Variants in MYOM2 observed in about 807,000 individuals in gnomAD.
MYOM2 encodes the protein myomesin 2, also known as myomesin-2.
Under a neutral mutation model 187.6 loss-of-function variants are expected in MYOM2, and 254 were observed. The observed-to-expected ratio is 1.35, with a 90% CI of 1.22 to 1.50. MYOM2 has a LOEUF of 1.50. Among genes scored for constraint, MYOM2 ranks in the 40% most tolerant of loss-of-function variants. The pLI is 0.00. For synonymous variants in MYOM2, 981 were observed against 753.8 expected (o/e 1.30, Z -4.94); for missense variants, 2,796 against 1,924.0 (o/e 1.45, Z -8.48).
intron 13 of MYOM2, chr8:2,085,052 A>G: frequency 1.7e-6 from 1 of 585,746 alleles, no homozygotes; most frequent in Non-Finnish European, 3.0e-6. Flanking sequence ...ACAGGCTTAT[A>G]TCTGTATTGG....
chr8:2,093,072 G>A (rs973902413), intron 16 of MYOM2, among the ~76,000 whole-genome samples: 1 of 152,118 alleles, frequency 6.6e-6, no homozygotes, highest in Non-Finnish European at 1.5e-5. Flanking sequence ...GATGTCTGAG[G>A]TTATTAGGCT....
rs2272720 is a variant in MYOM2 at position 2,073,341 on chromosome 8, G to T, written c.961G>T (p.Val321Leu). 639,321 of 1,602,956 alleles carry T rather than the reference G, an allele frequency of 0.4. 132,493 individuals are homozygous for T. Among genetic ancestry groups the T allele is most frequent in the Middle Eastern group, 0.46 (2,737 of 5,994 alleles). ...CTTCCGTGTTAACGCTCTTTCAGAC[G>T]TGCTGTTGAAAGAGTCCAAGTGGAC... is the stretch of plus-strand genomic sequence containing the variant. The part of the protein sequence containing the change: ...QPRAEWYRDD[V>L]LLKESKWTKM... Residue 321 changes from valine (V) to leucine (L), a missense_variant and splice_region_variant, in exon 10 of 37, where the codon GTG (valine) becomes TTG (leucine). Transcript: ENST00000262113.
chr8:2,072,102 C>T (rs137944508), intron 8 of MYOM2, among the ~76,000 whole-genome samples: 15 of 152,236 alleles, frequency 9.9e-5, no homozygotes, highest in Admixed American at 5.2e-4. Context: ...TTTGCGGTGA[C>T]GGTCTGAGTG....
At chr8:2,122,006 A>G (rs1291905249) in intron 28 of MYOM2, among the ~76,000 whole-genome samples, 1 of 152,252 alleles carries the variant, frequency 6.6e-6, no homozygotes, top group Non-Finnish European at 1.5e-5. Flanking sequence ...GGACAAATAC[A>G]TTAATTACAG....
chr8:2,104,513 G>C (rs1030912921), intron 21 of MYOM2, among the ~76,000 whole-genome samples: 1 of 152,054 alleles, frequency 6.6e-6, no homozygotes, highest in Non-Finnish European at 1.5e-5. Flanking sequence ...GCGGAGGCAG[G>C]AGAATGGGGT....
intron 11 of MYOM2, 50 bp from the exon 12 acceptor site, chr8:2,078,684 A>G: frequency 6.5e-7 from 1 of 1,547,898 alleles, no homozygotes; most frequent in Non-Finnish European, 8.9e-7. Context: ...TATATTTAGT[A>G]GGTTGCCACA....
chr8:2,092,565 G>C, intron 16 of MYOM2, 45 bp downstream of exon 16: 1 of 1,598,538 alleles, frequency 6.3e-7, no homozygotes, highest in South Asian at 1.1e-5. Context: ...TGCAGGAGTA[G>C]CAAGACCGTT....
Position 2,115,988 on chromosome 8 carries a change from C to T in MYOM2, c.3209C>T (p.Thr1070Ile), listed in dbSNP as rs980135880. The stretch of plus-strand genomic sequence containing the variant: ...CACAGAATTAAATGTGACAAAGCTA[C>T]TGGCATTATTGAGATGGTGATGGAT... ...EIHRIKCDKA[T>I]GIIEMVMDRF... Residue 1070 changes from threonine (T) to isoleucine (I), a missense_variant, in exon 26 of 37, where the codon ACT becomes ATT. By Grantham distance (89) the Thr-to-Ile change is moderately conservative. Transcript: ENST00000262113. 20 of 1,613,842 alleles carry T rather than the reference C, an allele frequency of 1.2e-5. No individual in the cohort carries two copies. The highest frequency in any genetic ancestry group is 4.5e-5 in the East Asian group (2 of 44,872).
intron 17 of MYOM2, among the ~76,000 whole-genome samples, chr8:2,095,865 A>G (rs937417358): frequency 6.6e-6 from 1 of 152,204 alleles, no homozygotes; most frequent in Non-Finnish European, 1.5e-5. Flanking sequence ...CAGATGCAGA[A>G]TAGTTATTCC....
At chr8:2,088,594 A>G (rs953340280) in intron 14 of MYOM2, among the ~76,000 whole-genome samples, 1 of 152,208 alleles carries the variant, frequency 6.6e-6, no homozygotes, top group African/African-American at 2.4e-5. Flanking sequence ...GCTGCACAGG[A>G]CATGATTTCT....
At chr8:2,097,914 C>G (rs770961167) in intron 18 of MYOM2, 1 of 152,246 alleles carries the variant, frequency 6.6e-6, no homozygotes, top group Non-Finnish European at 1.5e-5. Flanking sequence ...GAACTCGCCC[C>G]TCCTGTTGCT....
intron 2 of MYOM2, 91 bp from the exon 3 acceptor site, chr8:2,052,067 G>T: frequency 6.6e-7 from 1 of 1,526,082 alleles, no homozygotes. Flanking sequence ...CCAGTGGTTT[G>T]GGGTGTGTAG....
In MYOM2 at chr8:2,115,948, T is replaced by G; in HGVS notation, c.3181-12T>G. 1 of 1,604,868 alleles carries G rather than the reference T, an allele frequency of 6.2e-7. No individual in the cohort carries two copies. Among genetic ancestry groups the G allele is most frequent in the Non-Finnish European group, 8.5e-7 (1 of 1,177,780 alleles). ...CTTGTATAATTCTCCATTTCCCTTG[T>G]TTTGCTTGCAGATACACAGAATTAA... On this transcript the variant is annotated splice_polypyrimidine_tract_variant and intron_variant, in intron 25 of 36. Coordinates refer to ENST00000262113, the MANE Select transcript of MYOM2 (RefSeq NM_003970.4).
At chr8:2,065,956 C>T (rs1023733606) in intron 6 of MYOM2, among the ~76,000 whole-genome samples, 11 of 152,164 alleles carry the variant, frequency 7.2e-5, no homozygotes, top group African/African-American at 1.4e-4. Flanking sequence ...AGCCGTGGGG[C>T]GCAGTGTGAA....
At position 2,118,203 on chromosome 8, in the gene MYOM2, A is replaced by G. The variant is rs115456844; in HGVS notation, c.3453+251A>G. ...GATGCAATGGAAGGTTGGATTATAA[A>G]AATTTTACTTAAACGATTATTAAGT... On this transcript the variant is annotated intron_variant, in intron 28 of 36. Transcript: ENST00000262113. Among the ~76,000 whole-genome samples the G allele has an allele frequency of 7.3e-3, 1,115 of 152,298 alleles. 17 individuals are homozygous for G. The highest frequency in any genetic ancestry group is 0.026 in the African/African-American group (1,068 of 41,564).
At position 2,093,979 on chromosome 8, in the gene MYOM2, G is replaced by A. The variant is rs758339371; in HGVS notation, c.2013G>A (p.Val671=). The change falls in exon 17 of 37, where the codon GTG becomes GTA. Residue 671 remains valine (V), a synonymous_variant. Transcript: ENST00000262113. ...HKPIGYNRFV[V]HGLTTGEQYI... ...TCCCTGTGTTTCTCAGGTTCGTGGT[G>A]CACGGCTTAACCACGGGAGAGCAGT... The A allele has an allele frequency of 5.0e-6, 8 of 1,613,996 alleles. No individual in the cohort carries two copies. Among genetic ancestry groups the A allele is most frequent in the African/African-American group, 1.3e-5 (1 of 74,916 alleles).
chr8:2,073,533 TTG>T, intron 10 of MYOM2, 33 bp downstream of exon 10: 2 of 1,556,044 alleles, frequency 1.3e-6, no homozygotes, highest in Non-Finnish European at 1.7e-6. Flanking sequence ...GGTGCAGACC[TTG>T]TGTGTGCCCG....
intron 16 of MYOM2, among the ~76,000 whole-genome samples, chr8:2,093,413 G>A (rs563421234): frequency 1.3e-5 from 2 of 152,208 alleles, no homozygotes; most frequent in South Asian, 4.1e-4. Flanking sequence ...AAGCATCTGT[G>A]CTAAGTTGTC....
chr8:2,111,081 A>T (rs1363871504), intron 25 of MYOM2, among the ~76,000 whole-genome samples: 2 of 152,186 alleles, frequency 1.3e-5, no homozygotes. Context: ...ATGAAAGGGA[A>T]TTTAGGGGAA....
Sources: allele counts gnomAD v4.1 joint callset (sites outside exome capture counted in the v4.1 genomes callset), GRCh38; gene constraint gnomAD v4.1.1; transcripts MANE v1.5; gene names NCBI Gene and HGNC (gene_info 2026-07-23, HGNC 2026-07-21).